The following PTPRD variants were observed in gnomAD, a reference collection of about 807,000 sequenced individuals.
The protein encoded by PTPRD is protein tyrosine phosphatase receptor type D.
A neutral mutation model predicts 214.5 loss-of-function variants in PTPRD; 34 were observed. The observed-to-expected ratio is 0.16, with a 90% CI of 0.12 to 0.21. The LOEUF is 0.21. Ranked by LOEUF, PTPRD falls within the 10% of genes least tolerant of loss-of-function variation. The pLI is 1.00. For missense variants in PTPRD, 2,545 were observed against 2,398.7 expected, an observed-to-expected ratio of 1.06 and a Z score of -1.27; for synonymous variants, 1,128 against 845.7, an observed-to-expected ratio of 1.33 and a Z score of -5.79.
intron 2 of PTPRD, among the ~76,000 whole-genome samples, chr9:10,469,791 T>A (rs1230167487): frequency 1.3e-5 from 2 of 152,104 alleles, no homozygotes; most frequent in Non-Finnish European, 2.9e-5. Flanking sequence ...AAAGAAAATG[T>A]CATATGTATA....
intron 6 of PTPRD, among the ~76,000 whole-genome samples, chr9:9,751,597 C>T (rs1188296631): frequency 6.6e-6 from 1 of 152,040 alleles, no homozygotes; most frequent in African/African-American, 2.4e-5. Context: ...GGATGGACCA[C>T]TTATCCAACA....
intron 8 of PTPRD, among the ~76,000 whole-genome samples, chr9:9,507,980 G>T (rs866493258): frequency 1.3e-5 from 2 of 151,310 alleles, no homozygotes; most frequent in African/African-American, 4.8e-5. Flanking sequence ...CTTTATTATT[G>T]TATCAATAGC....
At chr9:8,985,396 A>G (rs1589315283) in intron 11 of PTPRD, among the ~76,000 whole-genome samples, 1 of 152,200 alleles carries the variant, frequency 6.6e-6, no homozygotes, top group Admixed American at 6.6e-5. Flanking sequence ...AAATTATTGA[A>G]TAACCACGAC....
chr9:8,561,380 T>C (rs904376246), intron 14 of PTPRD, among the ~76,000 whole-genome samples: 1 of 151,306 alleles, frequency 6.6e-6, no homozygotes, highest in Admixed American at 6.6e-5. Context: ...TGTTCCATTG[T>C]TCAATAAAAT....
intron 5 of PTPRD, among the ~76,000 whole-genome samples, chr9:9,852,999 C>G (rs188135916): frequency 4.4e-4 from 67 of 152,256 alleles, no homozygotes; most frequent in Non-Finnish European, 8.8e-4. Context: ...AATAGGATCA[C>G]CCTTATAGCA....
intron 5 of PTPRD, among the ~76,000 whole-genome samples, chr9:9,783,976 G>C (rs980978022): frequency 6.6e-6 from 1 of 151,732 alleles, no homozygotes; most frequent in Non-Finnish European, 1.5e-5. Context: ...TTAAATAGTG[G>C]GGAAAAAATT....
intron 21 of PTPRD, among the ~76,000 whole-genome samples, chr9:8,516,872 T>C (rs1159527895): frequency 6.7e-6 from 1 of 149,680 alleles, no homozygotes; most frequent in Non-Finnish European, 1.5e-5. Flanking sequence ...GGTACAATCT[T>C]AGCTCACTGC....
intron 39 of PTPRD, among the ~76,000 whole-genome samples, chr9:8,374,566 C>A (rs1054395681): frequency 6.6e-6 from 1 of 152,030 alleles, no homozygotes; most frequent in East Asian, 1.9e-4. Flanking sequence ...GACTTGAGGC[C>A]GATTACGCCA....
At chr9:9,149,077 T>A (rs796141419) in intron 10 of PTPRD, among the ~76,000 whole-genome samples, 5 of 152,330 alleles carry the variant, frequency 3.3e-5, no homozygotes, top group African/African-American at 1.2e-4. Context: ...TTGGAGTAGT[T>A]AAGAGTTCAG....
intron 9 of PTPRD, among the ~76,000 whole-genome samples, chr9:9,301,265 G>C (rs780455910): frequency 7.2e-5 from 11 of 151,768 alleles, no homozygotes; most frequent in Non-Finnish European, 2.9e-5. Context: ...ACATAATCAA[G>C]AGCTGTCAAA....
intron 26 of PTPRD, among the ~76,000 whole-genome samples, chr9:8,495,944 A>G (rs1563824487): frequency 6.6e-6 from 1 of 152,138 alleles, no homozygotes. Flanking sequence ...GAAGAGTTAA[A>G]GACTGACCGG....
intron 37 of PTPRD, among the ~76,000 whole-genome samples, chr9:8,380,684 A>C (rs542302404): frequency 3.9e-5 from 6 of 152,310 alleles, no homozygotes; most frequent in Admixed American, 2.0e-4. Flanking sequence ...ATTTAAATTT[A>C]TTTTTAAAAC....
chr9:10,288,268 C>T (rs1219452131), intron 3 of PTPRD, among the ~76,000 whole-genome samples: 1 of 150,634 alleles, frequency 6.6e-6, no homozygotes, highest in Non-Finnish European at 1.5e-5. Context: ...CCAAGAAAAG[C>T]AAAATTTGTT....
chr9:9,973,234 G>C (rs192447093), intron 4 of PTPRD, among the ~76,000 whole-genome samples: 1 of 151,520 alleles, frequency 6.6e-6, no homozygotes, highest in Admixed American at 6.6e-5. Context: ...AGGCCAAAGC[G>C]GGAGGATTGC....
At chr9:10,330,632 G>A (rs538373388) in intron 3 of PTPRD, among the ~76,000 whole-genome samples, 1 of 151,232 alleles carries the variant, frequency 6.6e-6, no homozygotes, top group East Asian at 2.0e-4. Context: ...TTCCCTAAAT[G>A]GTTTGAAGTA....
chr9:8,451,325 T>C (rs2095939766), intron 33 of PTPRD, among the ~76,000 whole-genome samples: 1 of 152,128 alleles, frequency 6.6e-6, no homozygotes, highest in African/African-American at 2.4e-5. Context: ...GATACAGCCT[T>C]GGGACAAAAT....
chr9:10,383,351 T>C (rs548182821), intron 2 of PTPRD, among the ~76,000 whole-genome samples: 1 of 151,944 alleles, frequency 6.6e-6, no homozygotes, highest in South Asian at 2.1e-4. Flanking sequence ...TCACCTTTAA[T>C]AGATAATGCT....
chr9:8,713,709 G>C, intron 12 of PTPRD: 8 of 1,509,116 alleles, frequency 5.3e-6, no homozygotes, highest in Middle Eastern at 2.3e-4. Context: ...AAGAGATCGC[G>C]GCCAGCAAGT....
intron 7 of PTPRD, among the ~76,000 whole-genome samples, chr9:9,693,688 T>C (rs1339021825): frequency 1.3e-5 from 2 of 152,226 alleles, no homozygotes; most frequent in African/African-American, 4.8e-5. Flanking sequence ...TCTACTTCTA[T>C]GTCTTTCTCT....
Sources: gnomAD v4.1 joint callset for allele counts (sites outside exome capture counted in the v4.1 genomes callset) on GRCh38, gnomAD v4.1.1 for gene constraint, MANE v1.5 for transcripts, NCBI Gene and HGNC (gene_info 2026-07-23, HGNC 2026-07-21) for gene names.